RNASEH1: variants seen among roughly 807,000 people sequenced by gnomAD.
RNASEH1 encodes the protein ribonuclease H type II.
Under a neutral mutation model 34.6 loss-of-function variants are expected in RNASEH1, and 27 were observed. The ratio of observed to expected loss-of-function variants is 0.78; its 90% CI spans 0.58 to 1.08. RNASEH1 has a LOEUF of 1.08. RNASEH1 is among the 50% of genes least tolerant of loss of function. The probability of loss-of-function intolerance (pLI) is 0.00; values close to 1 mark genes in which losing one functional copy is unlikely to be tolerated. For synonymous variants in RNASEH1, 162 were observed against 138.4 expected, an observed-to-expected ratio of 1.17 and a Z score of -1.20; for missense variants, 349 against 373.6, an observed-to-expected ratio of 0.93 and a Z score of 0.54.
the RNASEH1 span, chr2:3,532,045 A>G: frequency 1.8e-6 from 1 of 568,956 alleles, no homozygotes; most frequent in Admixed American, 3.1e-5. Context: ...ACAAGACAGC[A>G]AGATTTCTCA....
chr2:3,555,990 G>A (rs1660455307), intron 2 of RNASEH1, among the ~76,000 whole-genome samples: 1 of 152,010 alleles, frequency 6.6e-6, no homozygotes, highest in Non-Finnish European at 1.5e-5. Context: ...GGCCAATATG[G>A]TGAAATCCCA....
chr2:3,547,632 C>T (rs1668884078), intron 7 of RNASEH1, among the ~76,000 whole-genome samples: 2 of 152,000 alleles, frequency 1.3e-5, no homozygotes, highest in South Asian at 4.1e-4. Flanking sequence ...GGACTACAGG[C>T]ACACACCACC....
At chr2:3,540,051 C>T (rs117698172), downstream of RNASEH1, among the ~76,000 whole-genome samples, 50 of 152,142 alleles carry the variant, frequency 3.3e-4, no homozygotes, top group East Asian at 7.6e-3. Context: ...GCTCCAGTAC[C>T]GGCAGACACC....
chr2:3,552,037 G>C (rs939394697), intron 3 of RNASEH1, 107 bp downstream of exon 3: 10 of 808,950 alleles, frequency 1.2e-5, no homozygotes, highest in African/African-American at 1.7e-5. Flanking sequence ...TAAGAATGAA[G>C]ATGATAAACA....
the RNASEH1 span, among the ~76,000 whole-genome samples, chr2:3,534,598 C>T: frequency 1.3e-5 from 2 of 152,372 alleles, no homozygotes; most frequent in African/African-American, 4.8e-5. Flanking sequence ...GCGGCATGCC[C>T]GGCCCAACCG....
chr2:3,541,157 C>T (rs9752916), downstream of RNASEH1, among the ~76,000 whole-genome samples: 61,332 of 151,678 alleles, frequency 0.4, 13,701 homozygotes, highest in African/African-American at 0.59. Flanking sequence ...TGAAACCCCA[C>T]CTCTACTAAA....
chr2:3,552,327 C>CTCGTGAG lies in RNASEH1; in HGVS notation c.245-26_245-20dup, dbSNP rs750297356. 1 of 1,609,326 alleles carries CTCGTGAG rather than the reference C, an allele frequency of 6.2e-7. No individual in the cohort carries two copies. Among genetic ancestry groups the CTCGTGAG allele is most frequent in the Non-Finnish European group, 8.5e-7 (1 of 1,178,438 alleles). ...TCATGCCCTGAAAGACAAGAGTCCACTCGTGAGCTGGAAACAATGAACATA... is the reference window on the plus strand; with the variant it reads ...TCATGCCCTGAAAGACAAGAGTCCACTCGTGAGTCGTGAGCTGGAAACAATGAACATA... On this transcript the variant is annotated intron_variant, in intron 2 of 7. Coordinates refer to ENST00000315212, the MANE Select transcript of RNASEH1 (RefSeq NM_002936.6).
rs150583536 is a variant in RNASEH1 at position 3,558,203 on chromosome 2, G to A, written c.58C>T (p.Arg20Cys). 349 of 1,600,882 alleles carry A rather than the reference G, an allele frequency of 2.2e-4. 1 individual carries two copies. Among genetic ancestry groups the A allele is most frequent in the Non-Finnish European group, 2.7e-4 (322 of 1,175,670 alleles). ...AACATCCCGAACCCGCGAGAGCCGC[G>A]GCGGCAGGGCAAGGCGGCCAAGGCG... ...RVALAALPCR[R>C]GSRGFGMFYA... The change falls in exon 1 of 8, where the codon CGC (arginine) becomes TGC (cysteine). Residue 20 changes from arginine to cysteine, a missense_variant. By Grantham distance (180) the Arg-to-Cys change is radical. Transcript: ENST00000315212.
In RNASEH1 at chr2:3,550,479, G is replaced by A. The variant is rs772387240; in HGVS notation, c.410-7C>T. ...TAGACGACGACGAAGTCTCCTGTGG[G>A]AAAAGGAAGTACATGCTGCTGGGCT... On this transcript the variant is annotated splice_polypyrimidine_tract_variant and splice_region_variant and intron_variant, in intron 3 of 7. Transcript: ENST00000315212. The A allele has an allele frequency of 1.6e-5, 25 of 1,609,558 alleles. No individual in the cohort carries two copies. The highest frequency in any genetic ancestry group is 3.3e-5 in the Admixed American group (2 of 59,994).
At chr2:3,552,407 C>A in intron 2 of RNASEH1, 99 bp from the exon 3 acceptor site, 1 of 1,228,706 alleles carries the variant, frequency 8.1e-7, no homozygotes, top group Non-Finnish European at 1.1e-6. Context: ...ATCATTAAAT[C>A]AGACTTAAAA....
rs1017217512 is a variant in RNASEH1, at chr2:3,541,438, C to T, written c.*4347G>A. ...AGACAAAGACGAGGATATAAATGTT[C>T]ACGGCAGCTTTATTTGCTTTATTTT... On this transcript the variant is annotated 3_prime_UTR_variant, in exon 8 of 8. Coordinates refer to ENST00000315212, the MANE Select transcript of RNASEH1 (RefSeq NM_002936.6). 6.6e-6 allele frequency among the ~76,000 whole-genome samples: 1 copy of T among 152,018 alleles called. No homozygotes were observed. The highest frequency in any genetic ancestry group is 2.4e-5 in the African/African-American group (1 of 41,382).
chr2:3,558,118 G>A lies in RNASEH1; in HGVS notation c.128+15C>T, dbSNP rs1660725046. 1 of 1,581,396 alleles carries A rather than the reference G, an allele frequency of 6.3e-7. No individual in the cohort carries two copies. Among genetic ancestry groups the A allele is most frequent in the Non-Finnish European group, 8.6e-7 (1 of 1,167,072 alleles). On this transcript the variant is annotated intron_variant, in intron 1 of 7. Coordinates refer to ENST00000315212, the MANE Select transcript of RNASEH1 (RefSeq NM_002936.6). Reference sequence around the variant, plus strand: ...GATGCCGGCAGGGAGGCGCCTCGGCGGGCGGGCCACTCACCAGGTCAGAAA... The same window carrying A: ...GATGCCGGCAGGGAGGCGCCTCGGCAGGCGGGCCACTCACCAGGTCAGAAA...
intron 4 of RNASEH1, 161 bp downstream of exon 4, chr2:3,550,212 G>A: frequency 1.7e-6 from 1 of 593,306 alleles, no homozygotes. Context: ...GAAAAGCAAT[G>A]CCGCTTAGCC....
At position 3,542,143 on chromosome 2, in the gene RNASEH1, G is replaced by C. The variant is rs899803665; in HGVS notation, c.*3642C>G. On this transcript the variant is annotated 3_prime_UTR_variant, in exon 8 of 8. Coordinates refer to ENST00000315212, the MANE Select transcript of RNASEH1 (RefSeq NM_002936.6). ...CATACAGATAACAGGGATCCCCACA[G>C]AAAAAAGCCAAAGCAAGAAAAATGT... 6.6e-6 allele frequency among the ~76,000 whole-genome samples: 1 copy of C among 152,088 alleles called. No individual in the cohort carries two copies. Among genetic ancestry groups the C allele is most frequent in the African/African-American group, 2.4e-5 (1 of 41,424 alleles).
At position 3,552,137 on chromosome 2, in the gene RNASEH1, G is replaced by A. The variant is rs373300604; in HGVS notation, c.409+7C>T. On this transcript the variant is annotated splice_region_variant and intron_variant, in intron 3 of 7. Coordinates refer to ENST00000315212, the MANE Select transcript of RNASEH1 (RefSeq NM_002936.6). ...TATTAAAATCTGAAAACCCAAGGAA[G>A]ATGTACCCATGTAGGAAAACGTGTC... 260 of 1,604,418 alleles carry A rather than the reference G, an allele frequency of 1.6e-4. No homozygotes were observed. Among genetic ancestry groups the A allele is most frequent in the Non-Finnish European group, 2.1e-4 (250 of 1,177,158 alleles).
chr2:3,535,427 C>CT, the RNASEH1 span, among the ~76,000 whole-genome samples: 6 of 91,442 alleles, frequency 6.6e-5, no homozygotes, highest in African/African-American at 2.1e-4. Flanking sequence ...ACTATCCTGT[C>CT]TAAAAAAAAA....
At position 3,548,705 on chromosome 2, in the gene RNASEH1, T is replaced by A; in HGVS notation, c.584A>T (p.Glu195Val). ...AEIHAACKAI[E>V]QAKTQNINKL... ...ATTGATGTTTTGAGTCTTTGCTTGT[T>A]CAATGGCTTTGCAGGCTGCCTTGAA... Residue 195 changes from glutamate to valine, a missense_variant, in exon 6 of 8, where the codon GAA becomes GTA. Glu to Val is a moderately radical substitution (Grantham distance 121). This residue lies in a region of RNASEH1 where 93 missense variants were observed against 132.9 expected (regional missense o/e 0.70). Coordinates refer to ENST00000315212, the MANE Select transcript of RNASEH1 (RefSeq NM_002936.6). The A allele has an allele frequency of 6.2e-7, 1 of 1,613,258 alleles. No homozygotes were observed. The highest frequency in any genetic ancestry group is 1.7e-5 in the Admixed American group (1 of 60,018).
intron 7 of RNASEH1, 93 bp from the exon 8 acceptor site, chr2:3,545,964 A>C: frequency 1.2e-6 from 1 of 865,752 alleles, no homozygotes; most frequent in East Asian, 2.5e-5. Flanking sequence ...TTCAGAACAG[A>C]CTGCACAGCA....
At chr2:3,550,573 G>T (rs1659760657) in intron 3 of RNASEH1, 101 bp from the exon 4 acceptor site, 1 of 886,226 alleles carries the variant, frequency 1.1e-6, no homozygotes. Context: ...AACCGAGAGG[G>T]TATTTTACAA....
Sources: gnomAD v4.1 joint callset for allele counts (sites outside exome capture counted in the v4.1 genomes callset) on GRCh38, gnomAD v4.1.1 for gene constraint, gnomAD v4.1.1 regional missense constraint, MANE v1.5 for transcripts, NCBI Gene and HGNC (gene_info 2026-07-23, HGNC 2026-07-21) for gene names.